ADAMTS17: variants seen among roughly 807,000 people sequenced by gnomAD.
The protein encoded by ADAMTS17 is A disintegrin and metalloproteinase with thrombospondin motifs 17.
A neutral mutation model predicts 141.5 loss-of-function variants in ADAMTS17; 113 were observed. The ratio of observed to expected loss-of-function variants is 0.80; its 90% CI spans 0.69 to 0.93. The LOEUF is 0.93. Among genes scored for constraint, ADAMTS17 ranks in the 40% least tolerant of loss-of-function variants. The pLI, the probability that ADAMTS17 is intolerant of heterozygous loss-of-function variation, is 0.00. For missense variants in ADAMTS17, 1,659 were observed against 1,517.9 expected (o/e 1.09, Z -1.54); for synonymous variants, 768 against 630.6 (o/e 1.22, Z -3.27).
chr15:100,265,682 T>C (rs2043688974), intron 4 of ADAMTS17, among the ~76,000 whole-genome samples: 1 of 152,152 alleles, frequency 6.6e-6, no homozygotes, highest in Non-Finnish European at 1.5e-5. Context: ...CACCTACCTG[T>C]GTGACCCAAG....
intron 12 of ADAMTS17, among the ~76,000 whole-genome samples, 188 bp downstream of exon 12, chr15:100,131,819 A>C (rs2038059476): frequency 6.6e-6 from 1 of 152,236 alleles, no homozygotes; most frequent in African/African-American, 2.4e-5. Context: ...TCACAGAAAG[A>C]GCAATTTAAG....
At chr15:100,215,871 G>A in intron 7 of ADAMTS17, among the ~76,000 whole-genome samples, 1 of 152,008 alleles carries the variant, frequency 6.6e-6, no homozygotes, top group Admixed American at 6.5e-5. Context: ...CTCAAACTCA[G>A]AGTTTAGGTG....
intron 14 of ADAMTS17, among the ~76,000 whole-genome samples, chr15:100,102,558 G>GACCGAAGGGGATCTACATTTGAAGGCCA (rs2036178967): frequency 7.6e-6 from 1 of 131,354 alleles, no homozygotes; most frequent in African/African-American, 3.2e-5. Flanking sequence ...TTTGAAGGCC[G>GACCGAAGGGGATCTACATTTGAAGGCCA]ACCGAAGGGG....
At chr15:100,317,063 AG>A (rs2141886603) in intron 3 of ADAMTS17, among the ~76,000 whole-genome samples, 1 of 152,332 alleles carries the variant, frequency 6.6e-6, no homozygotes, top group Non-Finnish European at 1.5e-5. Context: ...TTCTCCCCAA[AG>A]GGTAATTACG....
At chr15:100,320,787 C>T (rs1024460904) in intron 3 of ADAMTS17, among the ~76,000 whole-genome samples, 10 of 152,040 alleles carry the variant, frequency 6.6e-5, no homozygotes, top group African/African-American at 2.2e-4. Context: ...GAACCAAGAT[C>T]GCGCCACTGC....
intron 8 of ADAMTS17, among the ~76,000 whole-genome samples, chr15:100,189,067 C>T (rs536998260): frequency 6.6e-6 from 1 of 152,310 alleles, no homozygotes; most frequent in South Asian, 2.1e-4. Flanking sequence ...TACACGAGTC[C>T]CCTGGCAGGC....
At chr15:100,026,008 T>G (rs1341952806) in intron 18 of ADAMTS17, among the ~76,000 whole-genome samples, 9 of 152,210 alleles carry the variant, frequency 5.9e-5, no homozygotes, top group African/African-American at 2.2e-4. Context: ...GCAAGGCTTG[T>G]AACTACAACT....
chr15:100,015,877 G>A (rs1321635314), intron 18 of ADAMTS17, among the ~76,000 whole-genome samples: 1 of 152,288 alleles, frequency 6.6e-6, no homozygotes, highest in East Asian at 1.9e-4. Flanking sequence ...CATTTCCCAC[G>A]TGTTCCTTGT....
At chr15:100,063,560 C>A (rs1355430145) in intron 15 of ADAMTS17, 6 of 889,402 alleles carry the variant, frequency 6.7e-6, no homozygotes, top group Non-Finnish European at 9.6e-6. Context: ...CATGTCATTA[C>A]AACACAGGCG....
chr15:100,253,198 G>A (rs554375400), intron 7 of ADAMTS17, among the ~76,000 whole-genome samples: 55 of 151,478 alleles, frequency 3.6e-4, no homozygotes, highest in African/African-American at 1.2e-3. Context: ...CGTTATGGCA[G>A]GGAAAACTGG....
At position 100,140,178 on chromosome 15, in the gene ADAMTS17, T is replaced by C. The variant is rs112147127; in HGVS notation, c.1474-6863A>G. On this transcript the variant is annotated intron_variant, in intron 10 of 21. Coordinates refer to ENST00000268070, the MANE Select transcript of ADAMTS17 (RefSeq NM_139057.4). The stretch of plus-strand genomic sequence containing the variant: ...GCCTGGCTAATTTTTGTATTTTTGG[T>C]AGAGATGGGGTTTCACCATGTTGGC... Among the ~76,000 whole-genome samples, 1,078 of 151,800 alleles carry C rather than the reference T, an allele frequency of 7.1e-3. 15 individuals are homozygous for C. Among genetic ancestry groups the C allele is most frequent in the African/African-American group, 0.025 (1,026 of 41,376 alleles).
At chr15:100,325,220 T>G (rs563345180) in intron 3 of ADAMTS17, among the ~76,000 whole-genome samples, 2 of 152,290 alleles carry the variant, frequency 1.3e-5, no homozygotes, top group South Asian at 4.1e-4. Flanking sequence ...ACAGAGGCTG[T>G]GTGGCTTGAA....
chr15:100,277,457 G>A (rs1469720617), intron 4 of ADAMTS17, among the ~76,000 whole-genome samples: 3 of 152,088 alleles, frequency 2.0e-5, no homozygotes, highest in Non-Finnish European at 2.9e-5. Flanking sequence ...TATCAAAGTC[G>A]AAGCTCTGCC....
intron 7 of ADAMTS17, among the ~76,000 whole-genome samples, chr15:100,203,249 T>A (rs552363911): frequency 3.9e-5 from 6 of 152,232 alleles, no homozygotes; most frequent in African/African-American, 1.4e-4. Flanking sequence ...AACACACTCT[T>A]GAAAAAATCT....
intron 8 of ADAMTS17, among the ~76,000 whole-genome samples, chr15:100,160,968 G>A (rs1368017224): frequency 6.6e-6 from 1 of 152,076 alleles, no homozygotes; most frequent in Admixed American, 6.6e-5. Context: ...TATGTCCCAG[G>A]GCATTTATTA....
chr15:100,131,982 G>C (rs773424185), intron 12 of ADAMTS17, 25 bp downstream of exon 12: 15 of 1,614,082 alleles, frequency 9.3e-6, no homozygotes, highest in Non-Finnish European at 1.2e-5. Flanking sequence ...TGGCACGTTG[G>C]GGTATGGCTG....
chr15:100,308,961 T>C (rs1380455224), intron 3 of ADAMTS17, among the ~76,000 whole-genome samples: 1 of 152,248 alleles, frequency 6.6e-6, no homozygotes, highest in African/African-American at 2.4e-5. Flanking sequence ...AATGGGCAGC[T>C]TGCTCAGGGA....
chr15:100,222,477 GC>G (rs1316722572), intron 7 of ADAMTS17, among the ~76,000 whole-genome samples: 1 of 152,186 alleles, frequency 6.6e-6, no homozygotes, highest in African/African-American at 2.4e-5. Flanking sequence ...GATCTGACTG[GC>G]TCAGTGCTGC....
intron 15 of ADAMTS17, among the ~76,000 whole-genome samples, chr15:100,091,109 C>G (rs772283253): frequency 9.3e-5 from 14 of 151,296 alleles, no homozygotes; most frequent in South Asian, 2.1e-4. Flanking sequence ...CTCGAGCTCA[C>G]AGTCCTCCAA....
Sources: allele counts gnomAD v4.1 joint callset (sites outside exome capture counted in the v4.1 genomes callset), GRCh38; gene constraint gnomAD v4.1.1; transcripts MANE v1.5; gene names NCBI Gene and HGNC (gene_info 2026-07-23, HGNC 2026-07-21).